RAB30: variants seen among roughly 807,000 people sequenced by gnomAD.
The protein encoded by RAB30 is RAB30, member RAS oncogene family.
Under a neutral mutation model 25.1 loss-of-function variants are expected in RAB30, and 9 were observed. The ratio of observed to expected loss-of-function variants is 0.36; its 90% CI spans 0.22 to 0.63. The LOEUF is 0.63. Among genes scored for constraint, RAB30 ranks in the 20% least tolerant of loss-of-function variants. The pLI is 0.69. For missense variants in RAB30, 140 were observed against 243.5 expected (o/e 0.58, Z 2.83); for synonymous variants, 77 against 86.4 (o/e 0.89, Z 0.60).
rs1856623155 is a variant in RAB30, at chr11:82,980,768, G to A, written c.*1397C>T. On this transcript the variant is annotated 3_prime_UTR_variant, in exon 5 of 5. Transcript: ENST00000527633. ...CCTGTTTTTAAATTGGCTAAGTAAA[G>A]GCATATACACCTCCATTTGAATTGG... 1.3e-5 allele frequency: 2 copies of A among 151,716 alleles called. No homozygotes were observed. The highest frequency in any genetic ancestry group is 2.4e-5 in the African/African-American group (1 of 41,318). 9.4% of individuals were successfully genotyped at this position (151,716 alleles called of 1,614,324 possible).
At position 83,054,146 on chromosome 11, in the gene RAB30, T is replaced by A. The variant is rs138567480; in HGVS notation, c.-9+17545A>T. Among the ~76,000 whole-genome samples the A allele has an allele frequency of 7.5e-3, 1,138 of 152,122 alleles. 47 individuals are homozygous for A. Among genetic ancestry groups the A allele is most frequent in the Admixed American group, 0.068 (1,045 of 15,274 alleles). On this transcript the variant is annotated intron_variant, in intron 1 of 4. Transcript: ENST00000527633. ...CATAGGGACAACAGGAAGGATGAGG[T>A]TCTTGTGGTCTTCTTCATTATCTTC...
At chr11:82,994,862 C>G (rs79028286) in intron 2 of RAB30, among the ~76,000 whole-genome samples, 5,373 of 152,210 alleles carry the variant, frequency 0.035, 337 homozygotes, top group African/African-American at 0.12. Context: ...GAGGCAGCAG[C>G]CTTAGGATCT....
chr11:83,030,993 T>C lies in RAB30; in HGVS notation c.-8-33669A>G, dbSNP rs1229869797. 2.0e-5 allele frequency among the ~76,000 whole-genome samples: 3 copies of C among 152,136 alleles called. No homozygotes were observed. The South Asian group carries it at 6.2e-4, about 32-fold the overall frequency. The stretch of plus-strand genomic sequence containing the variant: ...TAATCCAATCTAACTGGTGTCCTTA[T>C]AGAAAGAGGAGAATAGGACACGTAG... On this transcript the variant is annotated intron_variant, in intron 1 of 4. Coordinates refer to ENST00000527633, the MANE Select transcript of RAB30 (RefSeq NM_001286060.2).
At position 83,040,358 on chromosome 11, in the gene RAB30, T is replaced by C. The variant is rs542935746; in HGVS notation, c.-9+31333A>G. On this transcript the variant is annotated intron_variant, in intron 1 of 4. Transcript: ENST00000527633. ...AATCCCAGCACTTTGGGAGGCCGAG[T>C]TGGGTGGATCACCTGATGAGGTCAG... Among the ~76,000 whole-genome samples the C allele has an allele frequency of 3.3e-5, 5 of 151,820 alleles. No homozygotes were observed. The South Asian group carries it at 6.2e-4, about 19-fold the overall frequency.
In RAB30 at chr11:82,974,545, A is replaced by G. The variant is rs547051975; in HGVS notation, c.*7620T>C. 6.6e-6 allele frequency: 1 copy of G among 152,304 alleles called. No homozygotes were observed. Among genetic ancestry groups the G allele is most frequent in the African/African-American group, 2.4e-5 (1 of 41,574 alleles). The allele number at this position is 152,304 out of a possible 1,614,324, so 9.4% of individuals were successfully genotyped here. Reference sequence around the variant, plus strand: ...CTATTCTTATATTGAAGTTGGTTAGATTTTATATAACGCTGTATACAAATA... The same window carrying G: ...CTATTCTTATATTGAAGTTGGTTAGGTTTTATATAACGCTGTATACAAATA... On this transcript the variant is annotated 3_prime_UTR_variant, in exon 5 of 5. Transcript: ENST00000527633.
In RAB30 at chr11:82,992,108, C is replaced by T. The variant is rs191920430; in HGVS notation, c.177+1931G>A. 2.6e-5 allele frequency among the ~76,000 whole-genome samples: 4 copies of T among 152,162 alleles called. No individual in the cohort carries two copies. In the East Asian group the frequency reaches 5.8e-4, roughly 22 times the overall value. On this transcript the variant is annotated intron_variant, in intron 3 of 4. Coordinates refer to ENST00000527633, the MANE Select transcript of RAB30 (RefSeq NM_001286060.2). The stretch of plus-strand genomic sequence containing the variant: ...AACCCAAATATCTGGAAGTAAAATG[C>T]ATGAAATAGTAGTTATCTTTACCCA...
intron 1 of RAB30, among the ~76,000 whole-genome samples, chr11:82,999,428 T>G (rs937293910): frequency 1.1e-4 from 16 of 152,152 alleles, no homozygotes; most frequent in African/African-American, 3.6e-4. Context: ...AGCTTCCCCA[T>G]CAACAAAATG....
intron 1 of RAB30, among the ~76,000 whole-genome samples, chr11:83,070,573 A>T (rs1399036867): frequency 1.3e-5 from 2 of 151,972 alleles, no homozygotes; most frequent in Non-Finnish European, 2.9e-5. Flanking sequence ...AAGGGTGTAG[A>T]TCTCTCAGCC....
chr11:83,038,973 G>A (rs960639948), intron 1 of RAB30: 1 of 151,912 alleles, frequency 6.6e-6, no homozygotes, highest in Non-Finnish European at 1.5e-5. Flanking sequence ...TTATTCCATT[G>A]TAAAAATCAG....
Position 82,973,306 on chromosome 11 carries a change from CAT to C in RAB30, c.*8857_*8858del, listed in dbSNP as rs1486402878. ...TGAATTATTTCTTAATAATAGAAAA[CAT>C]AGGCTACAATGAATGGACAGTCATA... On this transcript the variant is annotated 3_prime_UTR_variant, in exon 5 of 5. Transcript: ENST00000527633. The C allele has an allele frequency of 6.6e-6, 1 of 152,126 alleles. No homozygotes were observed. Among genetic ancestry groups the C allele is most frequent in the African/African-American group, 2.4e-5 (1 of 41,434 alleles). 9.4% of individuals were successfully genotyped at this position (152,126 alleles called of 1,614,324 possible). A position where few individuals can be genotyped will look rare whatever the true frequency, so the allele number is the denominator to read the frequency against.
chr11:83,011,873 T>C (rs1857311300), intron 1 of RAB30, among the ~76,000 whole-genome samples: 1 of 152,048 alleles, frequency 6.6e-6, no homozygotes, highest in Non-Finnish European at 1.5e-5. Flanking sequence ...CCAAATGCAA[T>C]GCAGACCATC....
chr11:83,027,540 C>A (rs904781669), intron 1 of RAB30, among the ~76,000 whole-genome samples: 3 of 152,106 alleles, frequency 2.0e-5, no homozygotes, highest in Admixed American at 2.0e-4. Flanking sequence ...GATCACCGTA[C>A]CGTGAGGCTC....
At position 83,035,165 on chromosome 11, in the gene RAB30, CA is replaced by C. The variant is rs991285445; in HGVS notation, c.-9+36525del. 1.1e-4 allele frequency among the ~76,000 whole-genome samples: 16 copies of C among 151,878 alleles called. 1 individual carries two copies. The highest frequency in any genetic ancestry group is 3.9e-4 in the African/African-American group (16 of 41,412). On this transcript the variant is annotated intron_variant, in intron 1 of 4. Coordinates refer to ENST00000527633, the MANE Select transcript of RAB30 (RefSeq NM_001286060.2). The stretch of plus-strand genomic sequence containing the variant: ...AATAATTTGATCAAGGTCACTGCAT[CA>C]CCAGGATTGGAACCCAGGTCTACCT...
intron 2 of RAB30, 62 bp from the exon 3 acceptor site, chr11:82,994,184 C>T: frequency 7.0e-7 from 1 of 1,426,662 alleles, no homozygotes; most frequent in Non-Finnish European, 9.9e-7. Context: ...GAAATTTTCT[C>T]CTCTCCCCCA....
chr11:82,984,947 A>G (rs2121435327), intron 4 of RAB30, among the ~76,000 whole-genome samples: 1 of 152,330 alleles, frequency 6.6e-6, no homozygotes, highest in South Asian at 2.1e-4. Flanking sequence ...CAATAATAAT[A>G]ATTGCAAGGG....
chr11:83,024,586 G>C (rs560640205), intron 1 of RAB30, among the ~76,000 whole-genome samples: 1 of 152,264 alleles, frequency 6.6e-6, no homozygotes, highest in South Asian at 2.1e-4. Flanking sequence ...ACAAGTGAAG[G>C]CAGTACAATT....
At chr11:83,070,070 A>T (rs1858796073) in intron 1 of RAB30, among the ~76,000 whole-genome samples, 1 of 138,564 alleles carries the variant, frequency 7.2e-6, no homozygotes, top group Non-Finnish European at 1.6e-5. Flanking sequence ...GAAAGGAAAA[A>T]TGTAAACTGC....
At chr11:83,067,839 A>G (rs1226188141) in intron 1 of RAB30, among the ~76,000 whole-genome samples, 1 of 152,034 alleles carries the variant, frequency 6.6e-6, no homozygotes, top group African/African-American at 2.4e-5. Flanking sequence ...TAAAAATACA[A>G]AAGTTGCCAG....
intron 1 of RAB30, among the ~76,000 whole-genome samples, chr11:83,043,523 G>T (rs890520324): frequency 6.6e-6 from 1 of 152,148 alleles, no homozygotes; most frequent in African/African-American, 2.4e-5. Flanking sequence ...TGACATAATG[G>T]AATCAATATT....
Sources: allele counts gnomAD v4.1 joint callset (sites outside exome capture counted in the v4.1 genomes callset), GRCh38; gene constraint gnomAD v4.1.1; transcripts MANE v1.5; gene names NCBI Gene and HGNC (gene_info 2026-07-23, HGNC 2026-07-21).